Variants in FLOT1 observed in about 807,000 individuals in gnomAD.
FLOT1 encodes flotillin 1.
In FLOT1, 40 loss-of-function variants were observed where a neutral mutation model predicts 58.4. The ratio of observed to expected loss-of-function variants is 0.69; its 90% CI spans 0.53 to 0.89. The LOEUF is 0.89. Among genes scored for constraint, FLOT1 ranks in the 40% least tolerant of loss-of-function variants. The probability of loss-of-function intolerance (pLI) is 0.00; values close to 1 mark genes in which losing one functional copy is unlikely to be tolerated. For missense variants in FLOT1, 423 were observed against 540.8 expected (o/e 0.78, Z 2.16); for synonymous variants, 178 against 204.2 (o/e 0.87, Z 1.09).
chr6:30,741,365 G>A lies in FLOT1; in HGVS notation c.211-32C>T, dbSNP rs765666754. 9.3e-6 allele frequency: 15 copies of A among 1,612,522 alleles called. No homozygotes were observed. In the Admixed American group the frequency reaches 2.5e-4, roughly 27 times the overall value. On this transcript the variant is annotated intron_variant, in intron 4 of 12. Transcript: ENST00000376389. The surrounding 1 kb of genome is among the most constrained non-coding windows in gnomAD (Gnocchi z 5.9). ...CCAGAGTAGGGGTAGGAAAGGTGTGGTGGGGGTCTCATGAAGTCAGAGAAA... is the reference window on the plus strand; with the variant it reads ...CCAGAGTAGGGGTAGGAAAGGTGTGATGGGGGTCTCATGAAGTCAGAGAAA...
chr6:30,732,571 C>A (rs1196026768), intron 8 of FLOT1, among the ~76,000 whole-genome samples: 14 of 152,028 alleles, frequency 9.2e-5, no homozygotes, highest in Non-Finnish European at 2.1e-4. Flanking sequence ...AGGCTGATCT[C>A]AAACTCCTGG....
intron 10 of FLOT1, 21 bp downstream of exon 10, chr6:30,730,661 T>C: frequency 1.2e-6 from 2 of 1,613,800 alleles, no homozygotes; most frequent in Non-Finnish European, 1.7e-6. Context: ...CAAGCCAGCA[T>C]GGAACTGCCT....
At chr6:30,733,740 CA>C (rs35048121) in intron 8 of FLOT1, among the ~76,000 whole-genome samples, 26 of 63,058 alleles carry the variant, frequency 4.1e-4, no homozygotes, top group Non-Finnish European at 4.6e-4. Flanking sequence ...AAATCCATCT[CA>C]AAAAAAAAAA....
In FLOT1 at chr6:30,741,213, T is replaced by C; in HGVS notation, c.331A>G (p.Ile111Val). The change falls in exon 5 of 13, where the codon ATC becomes GTC. Residue 111 changes from isoleucine (I) to valine (V), a missense_variant. By Grantham distance (29) the Ile-to-Val change is conservative. Coordinates refer to ENST00000376389, the MANE Select transcript of FLOT1 (RefSeq NM_005803.4). This position sits in a 1 kb window ranked among gnomAD's most constrained non-coding sequence, Gnocchi z 5.9. ...LETLEGHQRAIMAHMTVEEIY... is the reference protein window; with the variant it reads ...LETLEGHQRAVMAHMTVEEIY... ...ACCTCCACAGTCATGTGGGCCATGA[T>C]GGCCCTCTGGTGGCCCTCTAACGTC... 1 of 1,613,086 alleles carries C rather than the reference T, an allele frequency of 6.2e-7. No individual in the cohort carries two copies. The highest frequency in any genetic ancestry group is 8.5e-7 in the Non-Finnish European group (1 of 1,180,016).
chr6:30,732,132 A>G (rs1777247774), intron 8 of FLOT1, among the ~76,000 whole-genome samples: 2 of 150,804 alleles, frequency 1.3e-5, no homozygotes, highest in Admixed American at 6.6e-5. Context: ...TGTCTGGCTA[A>G]TTTTTGTATT....
chr6:30,740,606 T>A lies in FLOT1; in HGVS notation c.475-15A>T, dbSNP rs1174680076. On this transcript the variant is annotated splice_polypyrimidine_tract_variant and intron_variant, in intron 6 of 12. Coordinates refer to ENST00000376389, the MANE Select transcript of FLOT1 (RefSeq NM_005803.4). ...TGCAAATAGTCCTGTGGGAGAGATG[T>A]AGAAATTAGTCCTTTGGAGGGCTTA... The A allele has an allele frequency of 1.9e-6, 3 of 1,612,898 alleles. No individual in the cohort carries two copies. The highest frequency in any genetic ancestry group is 1.3e-5 in the African/African-American group (1 of 74,982).
intron 8 of FLOT1, among the ~76,000 whole-genome samples, chr6:30,738,789 G>C (rs1777759706): frequency 6.6e-6 from 1 of 152,042 alleles, no homozygotes; most frequent in Non-Finnish European, 1.5e-5. Context: ...GATGCTTGGG[G>C]GCCATTTTAA....
intron 8 of FLOT1, among the ~76,000 whole-genome samples, chr6:30,736,807 A>G (rs973453930): frequency 6.6e-6 from 1 of 151,654 alleles, no homozygotes; most frequent in African/African-American, 2.4e-5. Flanking sequence ...GTTAGCCAGG[A>G]TGGTCTCGAT....
chr6:30,730,241 A>T (rs560077348), intron 11 of FLOT1, 55 bp from the exon 12 acceptor site: 25 of 1,593,372 alleles, frequency 1.6e-5, no homozygotes, highest in Middle Eastern at 1.7e-4. Flanking sequence ...ATTCCTCATA[A>T]AACAACTTAC....
Position 30,741,359 on chromosome 6 carries a change from G to A in FLOT1, c.211-26C>T. Reference sequence around the variant, plus strand: ...CTGTAGCCAGAGTAGGGGTAGGAAAGGTGTGGTGGGGGTCTCATGAAGTCA... The same window carrying A: ...CTGTAGCCAGAGTAGGGGTAGGAAAAGTGTGGTGGGGGTCTCATGAAGTCA... On this transcript the variant is annotated intron_variant, in intron 4 of 12. Transcript: ENST00000376389. This position sits in a 1 kb window ranked among gnomAD's most constrained non-coding sequence, Gnocchi z 5.9. 6.2e-7 allele frequency: 1 copy of A among 1,612,882 alleles called. No homozygotes were observed. The highest frequency in any genetic ancestry group is 8.5e-7 in the Non-Finnish European group (1 of 1,179,902).
At chr6:30,730,298 G>T in intron 11 of FLOT1, 112 bp from the exon 12 acceptor site, 2 of 1,496,940 alleles carry the variant, frequency 1.3e-6, no homozygotes, top group Non-Finnish European at 1.8e-6. Context: ...TCCTCACTTT[G>T]GTCACTAATA....
At chr6:30,731,321 C>G (rs1036515869) in intron 8 of FLOT1, among the ~76,000 whole-genome samples, 3 of 151,968 alleles carry the variant, frequency 2.0e-5, no homozygotes, top group Non-Finnish European at 4.4e-5. Flanking sequence ...CCTGTCTCTA[C>G]TAAAATACAA....
Position 30,742,053 on chromosome 6 carries a change from T to G in FLOT1, c.43+94A>C. On this transcript the variant is annotated intron_variant, in intron 2 of 12. Coordinates refer to ENST00000376389, the MANE Select transcript of FLOT1 (RefSeq NM_005803.4). This position sits in a 1 kb window ranked among gnomAD's most constrained non-coding sequence, Gnocchi z 5.2. ...TGGCCATCAAGGGGCAGAAGTCTGG[T>G]GCTGGGAAGTTGGTAGGGAGAGGGA... 1 of 1,367,938 alleles carries G rather than the reference T, an allele frequency of 7.3e-7. No individual in the cohort carries two copies. The highest frequency in any genetic ancestry group is 1.0e-6 in the Non-Finnish European group (1 of 964,448). The allele number at this position is 1,367,938 out of a possible 1,614,324, so 84.7% of individuals were successfully genotyped here.
chr6:30,729,678 TTAAC>T (rs1166346627), intron 12 of FLOT1, among the ~76,000 whole-genome samples: 1 of 152,176 alleles, frequency 6.6e-6, no homozygotes, highest in Non-Finnish European at 1.5e-5. Flanking sequence ...CTAGAATTAA[TTAAC>T]TGTCAATAGG....
chr6:30,742,064 TG>T lies in FLOT1; in HGVS notation c.43+82del. ...GGGCAGAAGTCTGGTGCTGGGAAGT[TG>T]GTAGGGAGAGGGAGAAGGGGCAGAG... On this transcript the variant is annotated intron_variant, in intron 2 of 12. Coordinates refer to ENST00000376389, the MANE Select transcript of FLOT1 (RefSeq NM_005803.4). The surrounding 1 kb of genome is among the most constrained non-coding windows in gnomAD (Gnocchi z 5.2). The T allele has an allele frequency of 1.4e-6, 2 of 1,432,054 alleles. No individual in the cohort carries two copies. Among genetic ancestry groups the T allele is most frequent in the Non-Finnish European group, 2.0e-6 (2 of 1,020,794 alleles). 88.7% of individuals were successfully genotyped at this position (1,432,054 alleles called of 1,614,324 possible).
In FLOT1 at chr6:30,730,107, GC is replaced by G; in HGVS notation, c.1168del (p.Ala390GlnfsTer4). ...CAGTACTTCCCCAGTCACTTTGGCTGCCCCCATGGTCCCACTGCCGCTGGAC... is the reference window on the plus strand; with the variant it reads ...CAGTACTTCCCCAGTCACTTTGGCTGCCCCATGGTCCCACTGCCGCTGGAC... Reference protein sequence around the residue: ...LVSSGSGTMGAAKVTGEVLDI... With the variant: ...LVSSGSGTMGXAKVTGEVLDI... On this transcript the variant is annotated frameshift_variant, in exon 12 of 13. Coordinates refer to ENST00000376389, the MANE Select transcript of FLOT1 (RefSeq NM_005803.4). LOFTEE classifies it high-confidence loss of function. The G allele has an allele frequency of 6.2e-7, 1 of 1,612,932 alleles. No individual in the cohort carries two copies. The highest frequency in any genetic ancestry group is 1.3e-5 in the African/African-American group (1 of 75,016).
rs892583601 is a variant in FLOT1 at position 30,742,138 on chromosome 6, A to C, written c.43+9T>G. The C allele has an allele frequency of 6.8e-6, 11 of 1,612,488 alleles. No individual in the cohort carries two copies. In the African/African-American group the frequency reaches 8.0e-5, roughly 12 times the overall value. On this transcript the variant is annotated intron_variant, in intron 2 of 12. Transcript: ENST00000376389. This position sits in a 1 kb window ranked among gnomAD's most constrained non-coding sequence, Gnocchi z 5.2. ...GGTCACTGGCTGGGAAGGGAACAAC[A>C]GTACTTACCGGAGACCACCATGGCC...
chr6:30,740,051 G>C (rs1581716819), intron 8 of FLOT1, 107 bp downstream of exon 8: 2 of 1,119,434 alleles, frequency 1.8e-6, no homozygotes, highest in East Asian at 4.8e-5. Context: ...TGGAGAGCCA[G>C]AATAAGACCA....
Position 30,741,106 on chromosome 6 carries a change from C to G in FLOT1, c.354+84G>C. The G allele has an allele frequency of 2.0e-6, 3 of 1,506,498 alleles. No homozygotes were observed. Among genetic ancestry groups the G allele is most frequent in the Non-Finnish European group, 2.7e-6 (3 of 1,095,350 alleles). The allele number at this position is 1,506,498 out of a possible 1,614,324, so 93.3% of individuals were successfully genotyped here. On this transcript the variant is annotated intron_variant, in intron 5 of 12. Coordinates refer to ENST00000376389, the MANE Select transcript of FLOT1 (RefSeq NM_005803.4). The surrounding 1 kb of genome is among the most constrained non-coding windows in gnomAD (Gnocchi z 5.9). The stretch of plus-strand genomic sequence containing the variant: ...CCGGCCGGGATGTATGCTCTTGGAT[C>G]CACTGTCTCTCACAGACTAGTGTGG...
Sources: gnomAD v4.1 joint callset for allele counts (sites outside exome capture counted in the v4.1 genomes callset) on GRCh38, gnomAD v4.1.1 for gene constraint, Gnocchi (gnomAD v3.1) non-coding constraint, MANE v1.5 for transcripts, NCBI Gene and HGNC (gene_info 2026-07-23, HGNC 2026-07-21) for gene names.